Variants in KCNQ5 observed in about 807,000 individuals in gnomAD.
KCNQ5 encodes potassium voltage-gated channel subfamily KQT member 5.
KCNQ5 carries 30 observed loss-of-function variants against 98.2 expected under a neutral mutation model. That is an observed-to-expected ratio of 0.31 (90% CI 0.23 to 0.41). The LOEUF (loss-of-function observed/expected upper bound fraction) is 0.41, where lower values mean the gene tolerates loss of function less well. Among genes scored for constraint, KCNQ5 ranks in the 10% least tolerant of loss-of-function variants. The pLI, the probability that KCNQ5 is intolerant of heterozygous loss-of-function variation, is 1.00. For missense variants in KCNQ5, 835 were observed against 1,182.5 expected, an observed-to-expected ratio of 0.71 and a Z score of 4.31; for synonymous variants, 458 against 449.4, an observed-to-expected ratio of 1.02 and a Z score of -0.24.
intron 1 of KCNQ5, among the ~76,000 whole-genome samples, chr6:72,720,492 G>A (rs6906977): frequency 0.52 from 78,477 of 151,904 alleles, 23,695 homozygotes; most frequent in African/African-American, 0.83. Context: ...TGCAAAGGCT[G>A]TTTTCTTTTC....
chr6:73,105,022 C>T (rs1774944681), intron 5 of KCNQ5, among the ~76,000 whole-genome samples: 1 of 152,212 alleles, frequency 6.6e-6, no homozygotes, highest in South Asian at 2.1e-4. Flanking sequence ...CTTAAATACA[C>T]TTAGAAAAGA....
intron 1 of KCNQ5, among the ~76,000 whole-genome samples, chr6:72,720,404 C>T (rs772047385): frequency 2.6e-5 from 4 of 152,082 alleles, no homozygotes; most frequent in Non-Finnish European, 5.9e-5. Flanking sequence ...GTTGCCTGTT[C>T]TAGGGGCATT....
At chr6:72,655,722 C>T (rs145438990) in intron 1 of KCNQ5, among the ~76,000 whole-genome samples, 28 of 152,096 alleles carry the variant, frequency 1.8e-4, no homozygotes, top group Non-Finnish European at 3.1e-4. Flanking sequence ...TGAGGAAATT[C>T]GGATTGATTC....
chr6:73,085,674 G>A (rs538840310), intron 5 of KCNQ5, among the ~76,000 whole-genome samples: 8 of 152,194 alleles, frequency 5.3e-5, no homozygotes, highest in South Asian at 2.1e-4. Context: ...ATTCTCCCCC[G>A]CAAACCACCC....
chr6:72,719,954 T>A (rs998650821), intron 1 of KCNQ5, among the ~76,000 whole-genome samples: 1 of 152,204 alleles, frequency 6.6e-6, no homozygotes, highest in Non-Finnish European at 1.5e-5. Context: ...TTTCCCTTCA[T>A]CCTCATCCTT....
intron 7 of KCNQ5, among the ~76,000 whole-genome samples, chr6:73,117,145 G>C (rs1775537472): frequency 2.0e-5 from 3 of 152,178 alleles, no homozygotes; most frequent in Admixed American, 2.0e-4. Context: ...CCCTCTAAGT[G>C]TTATTTTTCT....
intron 10 of KCNQ5, among the ~76,000 whole-genome samples, chr6:73,134,639 CA>C (rs1372741764): frequency 2.0e-5 from 3 of 152,248 alleles, no homozygotes; most frequent in African/African-American, 7.2e-5. Flanking sequence ...GTGAGCAACA[CA>C]AGTCACCTCT....
At chr6:72,884,132 T>G (rs1778759085) in intron 1 of KCNQ5, among the ~76,000 whole-genome samples, 1 of 152,168 alleles carries the variant, frequency 6.6e-6, no homozygotes, top group African/African-American at 2.4e-5. Flanking sequence ...ATCAAACAAC[T>G]GAGGTTTGAA....
chr6:72,981,568 C>T (rs1403139837), intron 1 of KCNQ5, among the ~76,000 whole-genome samples: 1 of 151,974 alleles, frequency 6.6e-6, no homozygotes, highest in Admixed American at 6.6e-5. Context: ...ATTAGTCTTG[C>T]TAGTGGTCTA....
chr6:72,903,684 G>A (rs1272797825), intron 1 of KCNQ5, among the ~76,000 whole-genome samples: 1 of 152,102 alleles, frequency 6.6e-6, no homozygotes, highest in Non-Finnish European at 1.5e-5. Flanking sequence ...TTCCACTGTG[G>A]TCTGAAAGAG....
chr6:72,649,932 A>G (rs1466643503), intron 1 of KCNQ5, among the ~76,000 whole-genome samples: 1 of 152,152 alleles, frequency 6.6e-6, no homozygotes. Flanking sequence ...AGCAACTGAC[A>G]CATCCAAATA....
chr6:72,985,805 C>G (rs1768745016), intron 1 of KCNQ5, among the ~76,000 whole-genome samples: 1 of 152,220 alleles, frequency 6.6e-6, no homozygotes, highest in African/African-American at 2.4e-5. Flanking sequence ...AATACCATTA[C>G]TGGCTATATA....
At chr6:73,124,543 T>G (rs751016263) in intron 9 of KCNQ5, 31 bp downstream of exon 9, 1 of 1,604,444 alleles carries the variant, frequency 6.2e-7, no homozygotes, top group Non-Finnish European at 8.5e-7. Context: ...TACATGTTTG[T>G]TTATAAATCT....
At chr6:72,857,489 G>C (rs1403930773) in intron 1 of KCNQ5, among the ~76,000 whole-genome samples, 1 of 152,162 alleles carries the variant, frequency 6.6e-6, no homozygotes, top group Admixed American at 6.5e-5. Flanking sequence ...TACAGGAAGG[G>C]CAGTTTACAT....
At chr6:72,931,480 T>C (rs1346165553) in intron 1 of KCNQ5, among the ~76,000 whole-genome samples, 3 of 152,090 alleles carry the variant, frequency 2.0e-5, no homozygotes, top group Non-Finnish European at 4.4e-5. Flanking sequence ...AAGAGGTCTT[T>C]TAAAGATCCT....
In KCNQ5 at chr6:73,196,503, G is replaced by A. The variant is rs1338589907; in HGVS notation, c.*1089G>A. 2 of 152,194 alleles carry A rather than the reference G, an allele frequency of 1.3e-5. No individual in the cohort carries two copies. The highest frequency in any genetic ancestry group is 2.1e-4 in the South Asian group (1 of 4,824). The allele number at this position is 152,194 out of a possible 1,614,324, so 9.4% of individuals were successfully genotyped here. On this transcript the variant is annotated 3_prime_UTR_variant, in exon 14 of 14. Coordinates refer to ENST00000370398, the MANE Select transcript of KCNQ5 (RefSeq NM_019842.4). The stretch of plus-strand genomic sequence containing the variant: ...CTAGACTTTTTAGAAAATGAGTATT[G>A]CTAGGGAATTCAACTACCTAATCTT...
chr6:72,807,284 C>T (rs1338620022), intron 1 of KCNQ5, among the ~76,000 whole-genome samples: 1 of 151,922 alleles, frequency 6.6e-6, no homozygotes, highest in East Asian at 1.9e-4. Context: ...TTATTTTTAA[C>T]CTCACCATGT....
At chr6:72,906,807 G>A (rs899441029) in intron 1 of KCNQ5, among the ~76,000 whole-genome samples, 5 of 152,136 alleles carry the variant, frequency 3.3e-5, no homozygotes, top group South Asian at 2.1e-4. Flanking sequence ...GGGTCCTTTC[G>A]AGTTTCCTGA....
intron 1 of KCNQ5, among the ~76,000 whole-genome samples, chr6:72,999,807 A>G (rs1769475135): frequency 6.6e-6 from 1 of 152,242 alleles, no homozygotes; most frequent in Non-Finnish European, 1.5e-5. Context: ...TAATCTTGAA[A>G]TGATGAGCAA....
Sources: gnomAD v4.1 joint callset for allele counts (sites outside exome capture counted in the v4.1 genomes callset) on GRCh38, gnomAD v4.1.1 for gene constraint, MANE v1.5 for transcripts, NCBI Gene and HGNC (gene_info 2026-07-23, HGNC 2026-07-21) for gene names.